The following CARMIL3 variants were observed in gnomAD, a reference collection of about 807,000 sequenced individuals.
The protein encoded by CARMIL3 is capping protein, Arp2/3 and myosin-I linker protein 3.
In CARMIL3, 88 loss-of-function variants were observed where a neutral mutation model predicts 180.8. The ratio of observed to expected loss-of-function variants is 0.49; its 90% CI spans 0.41 to 0.58. The LOEUF (loss-of-function observed/expected upper bound fraction) is 0.58. Ranked by LOEUF, CARMIL3 falls within the 20% of genes least tolerant of loss-of-function variation. The probability of loss-of-function intolerance (pLI) is 0.00; values close to 1 mark genes in which losing one functional copy is unlikely to be tolerated. For synonymous variants in CARMIL3, 696 were observed against 714.5 expected, an observed-to-expected ratio of 0.97 and a Z score of 0.41; for missense variants, 1,548 against 1,787.0, an observed-to-expected ratio of 0.87 and a Z score of 2.41.
chr14:24,056,421 C>T (rs2035672550), intron 11 of CARMIL3, 28 bp downstream of exon 11: 3 of 1,599,142 alleles, frequency 1.9e-6, no homozygotes, highest in South Asian at 1.1e-5. Context: ...ATCCTGTCCC[C>T]ATCCCAATGC....
rs751997167 is a variant in CARMIL3, at chr14:24,052,190, C to T, written c.37C>T (p.Gln13Ter). ...CAGCGTGGAGCTCACCCGCGAGTTG[C>T]AAGGTACGAGGCTGCCTCGGTCTCT... ...KPSVELTREL[Q>*]DSIRRCLSQG... Residue 13 changes from glutamine to a stop codon, truncating the protein, a stop_gained, in exon 1 of 40, where the codon CAA becomes TAA. Transcript: ENST00000342740. LOFTEE classifies it high-confidence loss of function. The T allele has an allele frequency of 6.3e-7, 1 of 1,591,738 alleles. No individual in the cohort carries two copies. Among genetic ancestry groups the T allele is most frequent in the Non-Finnish European group, 8.5e-7 (1 of 1,173,294 alleles).
In CARMIL3 at chr14:24,058,896, A is replaced by G; in HGVS notation, c.1481A>G (p.Asp494Gly). 1 of 1,614,102 alleles carries G rather than the reference A, an allele frequency of 6.2e-7. No homozygotes were observed. Among genetic ancestry groups the G allele is most frequent in the Non-Finnish European group, 8.5e-7 (1 of 1,180,016 alleles). Residue 494 changes from aspartate (D) to glycine (G), a missense_variant, in exon 19 of 40, where the codon GAC becomes GGC. Around this residue, in one of 4 missense-constraint regions of CARMIL3, gnomAD observed 578 missense variants for 666.5 expected, o/e 0.87. Transcript: ENST00000342740. This position sits in a 1 kb window ranked among gnomAD's most constrained non-coding sequence, Gnocchi z 6.4. Reference protein sequence around the residue: ...GSLDLSDNGFDSDLLTLVPAL... With the variant: ...GSLDLSDNGFGSDLLTLVPAL... The stretch of plus-strand genomic sequence containing the variant: ...TCTCCCATCTGCTCACCAGGGTTCG[A>G]CTCGGACCTCCTGACACTGGTGCCT...
In CARMIL3 at chr14:24,065,630, G is replaced by A. The variant is rs1435107261; in HGVS notation, c.3405G>A (p.Glu1135=). 1 of 1,611,366 alleles carries A rather than the reference G, an allele frequency of 6.2e-7. No individual in the cohort carries two copies. The highest frequency in any genetic ancestry group is 1.1e-5 in the South Asian group (1 of 90,784). The change falls in exon 34 of 40, where the codon GAG becomes GAA. Residue 1135 remains glutamate (E), a synonymous_variant. Coordinates refer to ENST00000342740, the MANE Select transcript of CARMIL3 (RefSeq NM_138360.4). ...AAGAGACCTTGTTCTAGGGCACTGA[G>A]GGGTCAGAGCCAGGGGAGGGGGGCC... is the stretch of plus-strand genomic sequence containing the variant. ...GPSFRRKMGT[E]GSEPGEGGPA...
At chr14:24,056,149 G>C in intron 10 of CARMIL3, 150 bp from the exon 11 acceptor site, 1 of 643,096 alleles carries the variant, frequency 1.6e-6, no homozygotes, top group Non-Finnish European at 2.7e-6. Flanking sequence ...GTGGTGACAA[G>C]CTCCCTGGCA....
chr14:24,055,378 G>C (rs1448024012), intron 8 of CARMIL3, 68 bp downstream of exon 8: 3 of 1,566,904 alleles, frequency 1.9e-6, no homozygotes, highest in African/African-American at 2.7e-5. Flanking sequence ...CCCTTCCCAG[G>C]AGTGCCCTTC....
Position 24,059,308 on chromosome 14 carries a change from G to C in CARMIL3, c.1665G>C (p.Lys555Asn). The change falls in exon 21 of 40, where the codon AAG (lysine) becomes AAC (asparagine). Residue 555 changes from lysine to asparagine, a missense_variant. Around this residue, in one of 4 missense-constraint regions of CARMIL3, gnomAD observed 297 missense variants for 415.9 expected, o/e 0.71. Coordinates refer to ENST00000342740, the MANE Select transcript of CARMIL3 (RefSeq NM_138360.4). The surrounding 1 kb of genome is among the most constrained non-coding windows in gnomAD (Gnocchi z 6.3). ...QSLSVADSRL[K>N]LRTSILINAL... ...TGTCGGTGGCAGACTCCCGGCTGAAGCTTCGCACCAGCATCCTCATCAATG... is the reference window on the plus strand; with the variant it reads ...TGTCGGTGGCAGACTCCCGGCTGAACCTTCGCACCAGCATCCTCATCAATG... The C allele has an allele frequency of 6.2e-7, 1 of 1,613,952 alleles. No homozygotes were observed. Among genetic ancestry groups the C allele is most frequent in the Non-Finnish European group, 8.5e-7 (1 of 1,180,024 alleles).
rs1422803536 is a variant in CARMIL3 at position 24,059,202 on chromosome 14, GC to G, written c.1626+15del. The G allele has an allele frequency of 6.2e-7, 1 of 1,613,422 alleles. No individual in the cohort carries two copies. Among genetic ancestry groups the G allele is most frequent in the Non-Finnish European group, 8.5e-7 (1 of 1,179,858 alleles). On this transcript the variant is annotated intron_variant, in intron 20 of 39. Coordinates refer to ENST00000342740, the MANE Select transcript of CARMIL3 (RefSeq NM_138360.4). This position sits in a 1 kb window ranked among gnomAD's most constrained non-coding sequence, Gnocchi z 6.3. ...GGAAGAGGACTGTGTGAGTGCCTGG[GC>G]CTGGGAGGGGACCTGCAGTCGGAGG... is the stretch of plus-strand genomic sequence containing the variant.
rs775984516 is a variant in CARMIL3 at position 24,059,983 on chromosome 14, C to T, written c.1882C>T (p.Arg628Cys). Residue 628 changes from arginine to cysteine, a missense_variant, in exon 23 of 40, where the codon CGC (arginine) becomes TGC (cysteine). Physicochemically the swap from Arg to Cys is radical, Grantham distance 180. This residue lies in a region of CARMIL3 where 297 missense variants were observed against 415.9 expected (regional missense o/e 0.71). Transcript: ENST00000342740. The surrounding 1 kb of genome is among the most constrained non-coding windows in gnomAD (Gnocchi z 6.3). ...ARALESNHTL[R>C]FMSFPVSDIS... Reference sequence around the variant, plus strand: ...TGTGTCCCACAGCAACCACACGCTGCGCTTCATGTCCTTCCCCGTGAGCGA... The same window carrying T: ...TGTGTCCCACAGCAACCACACGCTGTGCTTCATGTCCTTCCCCGTGAGCGA... The T allele has an allele frequency of 2.9e-5, 47 of 1,613,808 alleles. No homozygotes were observed. Among genetic ancestry groups the T allele is most frequent in the Admixed American group, 6.7e-5 (4 of 60,010 alleles).
At position 24,068,934 on chromosome 14, in the gene CARMIL3, C is replaced by T; in HGVS notation, c.3950C>T (p.Ser1317Leu). The T allele has an allele frequency of 6.3e-7, 1 of 1,578,726 alleles. No homozygotes were observed. The highest frequency in any genetic ancestry group is 8.6e-7 in the Non-Finnish European group (1 of 1,161,976). ...AACAAACCCCGGCTGAGGCTGAGCT[C>T]ACAGCAAGACCAAGAGGAGCCCGAA... is the stretch of plus-strand genomic sequence containing the variant. ...GVNKPRLRLS[S>L]QQDQEEPEVQ... is the part of the protein sequence containing the mutation. Residue 1317 changes from serine (S) to leucine (L), a missense_variant, in exon 38 of 40, where the codon TCA becomes TTA. Coordinates refer to ENST00000342740, the MANE Select transcript of CARMIL3 (RefSeq NM_138360.4).
Position 24,069,253 on chromosome 14 carries a change from G to T in CARMIL3, c.4093+6G>T. Reference sequence around the variant, plus strand: ...ACGGCCTCCTGACCCCACAGGTGCTGGTGGTGAGAGGGCAGGTCCCCCCTT... The same window carrying T: ...ACGGCCTCCTGACCCCACAGGTGCTTGTGGTGAGAGGGCAGGTCCCCCCTT... On this transcript the variant is annotated splice_donor_region_variant and intron_variant, in intron 39 of 39. Coordinates refer to ENST00000342740, the MANE Select transcript of CARMIL3 (RefSeq NM_138360.4). 1.2e-6 allele frequency: 2 copies of T among 1,613,934 alleles called. No individual in the cohort carries two copies. The highest frequency in any genetic ancestry group is 1.7e-6 in the Non-Finnish European group (2 of 1,179,864).
intron 27 of CARMIL3, 89 bp from the exon 28 acceptor site, chr14:24,062,391 C>G: frequency 8.2e-7 from 1 of 1,219,602 alleles, no homozygotes; most frequent in South Asian, 1.2e-5. Context: ...GCTGGCCGTT[C>G]TCTCAGGCTT....
At chr14:24,062,415 T>C (rs1300291934) in intron 27 of CARMIL3, 65 bp from the exon 28 acceptor site, 4 of 1,385,000 alleles carry the variant, frequency 2.9e-6, no homozygotes, top group Non-Finnish European at 4.1e-6. Context: ...GGAGAGGGAG[T>C]GCCTCAGGGG....
chr14:24,062,404 G>T, intron 27 of CARMIL3, 76 bp from the exon 28 acceptor site: 1 of 1,326,886 alleles, frequency 7.5e-7, no homozygotes. Flanking sequence ...TCAGGCTTCT[G>T]GGAGAGGGAG....
chr14:24,052,255 C>T (rs945548712), intron 1 of CARMIL3, 62 bp downstream of exon 1: 43 of 1,505,156 alleles, frequency 2.9e-5, no homozygotes, highest in Non-Finnish European at 3.6e-5. Flanking sequence ...CCAGCGCGTT[C>T]CTCCCCGTGG....
At chr14:24,055,172 G>A in intron 7 of CARMIL3, 36 bp downstream of exon 7, 1 of 1,614,026 alleles carries the variant, frequency 6.2e-7, no homozygotes, top group East Asian at 2.2e-5. Flanking sequence ...GAACAGGTGG[G>A]ACCTGGAGGG....
chr14:24,054,777 G>A lies in CARMIL3; in HGVS notation c.429G>A (p.Glu143=), dbSNP rs752976532. The A allele has an allele frequency of 7.4e-6, 12 of 1,614,076 alleles. No individual in the cohort carries two copies. Among genetic ancestry groups the A allele is most frequent in the Non-Finnish European group, 9.3e-6 (11 of 1,180,012 alleles). Reference sequence around the variant, plus strand: ...CCCGAGATACATCCCCCAACTCTGAGACTTCCACATCTACCACCCACAGTG... The same window carrying A: ...CCCGAGATACATCCCCCAACTCTGAAACTTCCACATCTACCACCCACAGTG... ...EGPRDTSPNS[E]TSTSTTHSVC... Residue 143 remains glutamate (E), a synonymous_variant, in exon 6 of 40, where the codon GAG becomes GAA. Coordinates refer to ENST00000342740, the MANE Select transcript of CARMIL3 (RefSeq NM_138360.4). This position sits in a 1 kb window ranked among gnomAD's most constrained non-coding sequence, Gnocchi z 5.1.
At position 24,068,951 on chromosome 14, in the gene CARMIL3, G is replaced by A; in HGVS notation, c.3967G>A (p.Glu1323Lys). ...LRLSSQQDQE[E>K]PEVQGPPDPG... ...GCTGAGCTCACAGCAAGACCAAGAG[G>A]AGCCCGAAGTCCAAGGTCTGCCACC... The change falls in exon 38 of 40, where the codon GAG becomes AAG. Residue 1323 changes from glutamate (E) to lysine (K), a missense_variant. By Grantham distance (56) the Glu-to-Lys change is moderately conservative (BLOSUM62 1). This residue lies in a region of CARMIL3 where 668 missense variants were observed against 687.8 expected (regional missense o/e 0.97). Coordinates refer to ENST00000342740, the MANE Select transcript of CARMIL3 (RefSeq NM_138360.4). 1.3e-6 allele frequency: 2 copies of A among 1,564,480 alleles called. No individual in the cohort carries two copies. Among genetic ancestry groups the A allele is most frequent in the African/African-American group, 2.7e-5 (2 of 73,776 alleles).
chr14:24,061,780 A>C lies in CARMIL3; in HGVS notation c.2480+108A>C. 6 of 1,210,846 alleles carry C rather than the reference A, an allele frequency of 5.0e-6. No individual in the cohort carries two copies. Among genetic ancestry groups the C allele is most frequent in the African/African-American group, 1.5e-5 (1 of 66,614 alleles). 75.0% of individuals were successfully genotyped at this position (1,210,846 alleles called of 1,614,324 possible). On this transcript the variant is annotated intron_variant, in intron 27 of 39. Transcript: ENST00000342740. This position sits in a 1 kb window ranked among gnomAD's most constrained non-coding sequence, Gnocchi z 4.1. Reference sequence around the variant, plus strand: ...ATGAATAATGAATGGCACAATCTCCATTACAAGGATCAATCTTTAACCAAG... The same window carrying C: ...ATGAATAATGAATGGCACAATCTCCCTTACAAGGATCAATCTTTAACCAAG...
intron 1 of CARMIL3, among the ~76,000 whole-genome samples, chr14:24,053,494 C>G (rs1285094507): frequency 6.6e-6 from 1 of 152,252 alleles, no homozygotes; most frequent in Non-Finnish European, 1.5e-5. Context: ...TCTCCACACC[C>G]TACTCCCTCT....
Sources: allele counts gnomAD v4.1 joint callset (sites outside exome capture counted in the v4.1 genomes callset), GRCh38; gene constraint gnomAD v4.1.1; regional missense constraint gnomAD v4.1.1; non-coding constraint Gnocchi (gnomAD v3.1); transcripts MANE v1.5; gene names NCBI Gene and HGNC (gene_info 2026-07-23, HGNC 2026-07-21).